SETBP1: variants seen among roughly 807,000 people sequenced by gnomAD.
The protein encoded by SETBP1 is SET binding protein 1, also known as SET-binding protein.
A neutral mutation model predicts 101.0 loss-of-function variants in SETBP1; 9 were observed. The ratio of observed to expected loss-of-function variants is 0.09; its 90% CI spans 0.05 to 0.16. SETBP1 has a LOEUF of 0.16. Ranked by LOEUF, SETBP1 falls within the 10% of genes least tolerant of loss-of-function variation. SETBP1 has a pLI of 1.00. For synonymous variants in SETBP1, 818 were observed against 788.5 expected (o/e 1.04, Z -0.63); for missense variants, 1,858 against 2,033.8 (o/e 0.91, Z 1.66).
intron 4 of SETBP1, among the ~76,000 whole-genome samples, chr18:45,037,367 A>G (rs997419536): frequency 4.6e-5 from 7 of 152,076 alleles, no homozygotes; most frequent in Admixed American, 2.0e-4. Context: ...GCTGGTTACC[A>G]CTGGTTCTGA....
At chr18:44,889,352 A>G (rs1421438714) in intron 3 of SETBP1, among the ~76,000 whole-genome samples, 1 of 152,140 alleles carries the variant, frequency 6.6e-6, no homozygotes, top group East Asian at 1.9e-4. Context: ...TCAGAGCCTT[A>G]TTTATCATCC....
At position 45,028,057 on chromosome 18, in the gene SETBP1, A is replaced by T. The variant is rs534504587; in HGVS notation, c.4001-10428A>T. Reference sequence around the variant, plus strand: ...TTAAGTTTTAGGGTACATGTGCACAACGTGCAGGTTAGTTACGTATGTATA... The same window carrying T: ...TTAAGTTTTAGGGTACATGTGCACATCGTGCAGGTTAGTTACGTATGTATA... On this transcript the variant is annotated intron_variant, in intron 4 of 5. Coordinates refer to ENST00000649279, the MANE Select transcript of SETBP1 (RefSeq NM_015559.3). Among the ~76,000 whole-genome samples the T allele has an allele frequency of 2.3e-3, 344 of 152,160 alleles. 2 individuals carry two copies. Among genetic ancestry groups the T allele is most frequent in the Non-Finnish European group, 3.4e-3 (234 of 67,980 alleles).
intron 3 of SETBP1, among the ~76,000 whole-genome samples, chr18:44,901,602 C>T (rs2070047470): frequency 6.6e-6 from 1 of 152,130 alleles, no homozygotes; most frequent in South Asian, 2.1e-4. Flanking sequence ...CTGCCTGTAG[C>T]ATTTAACCCA....
intron 2 of SETBP1, among the ~76,000 whole-genome samples, chr18:44,730,756 T>G (rs2069822110): frequency 6.6e-6 from 1 of 152,148 alleles, no homozygotes; most frequent in African/African-American, 2.4e-5. Flanking sequence ...AGAGGAAGCT[T>G]AAATGGTATC....
chr18:45,019,567 C>G (rs1568031701), intron 4 of SETBP1, among the ~76,000 whole-genome samples: 1 of 152,126 alleles, frequency 6.6e-6, no homozygotes, highest in South Asian at 2.1e-4. Flanking sequence ...CCTTTCTTCT[C>G]TTTGGGAAGC....
intron 5 of SETBP1, among the ~76,000 whole-genome samples, chr18:45,041,153 G>C (rs2073500328): frequency 6.6e-6 from 1 of 152,184 alleles, no homozygotes; most frequent in South Asian, 2.1e-4. Context: ...ATTTCCAGTG[G>C]ATTCCCACTT....
intron 3 of SETBP1, chr18:44,877,257 C>T (rs1039426890): frequency 4.6e-6 from 3 of 655,408 alleles, no homozygotes; most frequent in Non-Finnish European, 5.7e-6. Context: ...GATTGTTTTC[C>T]TACGGATTTG....
chr18:44,788,172 G>A (rs1322848304), intron 2 of SETBP1, among the ~76,000 whole-genome samples: 2 of 151,994 alleles, frequency 1.3e-5, no homozygotes, highest in African/African-American at 2.4e-5. Flanking sequence ...CCTGGGAAAA[G>A]CCATTCCTGA....
In SETBP1 at chr18:45,063,754, G is replaced by A. The variant is rs2073931306; in HGVS notation, c.*56G>A. The A allele has an allele frequency of 2.6e-6, 4 of 1,556,294 alleles. No homozygotes were observed. In the South Asian group the frequency reaches 3.5e-5, roughly 14 times the overall value. On this transcript the variant is annotated 3_prime_UTR_variant, in exon 6 of 6. Coordinates refer to ENST00000649279, the MANE Select transcript of SETBP1 (RefSeq NM_015559.3). ...AGGGAACTGACACGTGGGAAGCGCAGTGAGCCGGGGCGGGGGCGGAATCCC... is the reference window on the plus strand; with the variant it reads ...AGGGAACTGACACGTGGGAAGCGCAATGAGCCGGGGCGGGGGCGGAATCCC...
chr18:44,760,763 A>T (rs1280242892), intron 2 of SETBP1, among the ~76,000 whole-genome samples: 1 of 152,228 alleles, frequency 6.6e-6, no homozygotes, highest in Admixed American at 6.5e-5. Context: ...AGGGAGGTGT[A>T]TATACTGTTT....
chr18:45,013,233 T>C (rs916262371), intron 4 of SETBP1, among the ~76,000 whole-genome samples: 1 of 152,160 alleles, frequency 6.6e-6, no homozygotes, highest in Non-Finnish European at 1.5e-5. Flanking sequence ...CTCACCTCCT[T>C]GGCCCCACCC....
Position 44,894,770 on chromosome 18 carries a change from C to T in SETBP1, c.540+25487C>T, listed in dbSNP as rs561558391. Among the ~76,000 whole-genome samples the T allele has an allele frequency of 4.6e-5, 7 of 151,924 alleles. No individual in the cohort carries two copies. The South Asian group carries it at 1.5e-3, about 32-fold the overall frequency. ...ATCTCCAGGAATCAACAAAGGACCA[C>T]CAAGAGAATTTAAATGGATTTCAGC... On this transcript the variant is annotated intron_variant, in intron 3 of 5. Coordinates refer to ENST00000649279, the MANE Select transcript of SETBP1 (RefSeq NM_015559.3).
At chr18:45,062,943 G>A in intron 5 of SETBP1, 136 bp from the exon 6 acceptor site, 1 of 1,094,756 alleles carries the variant, frequency 9.1e-7, no homozygotes, top group Non-Finnish European at 1.3e-6. Flanking sequence ...AATGCATCTT[G>A]GGCACGGAGA....
Position 44,701,162 on chromosome 18 carries a change from C to T in SETBP1, c.-172-13C>T, listed in dbSNP as rs1257941055. 1.9e-5 allele frequency: 10 copies of T among 527,090 alleles called. No homozygotes were observed. Among genetic ancestry groups the T allele is most frequent in the Admixed American group, 7.4e-5 (2 of 26,870 alleles). The allele number at this position is 527,090 out of a possible 1,614,324, so 32.7% of individuals were successfully genotyped here. The stretch of plus-strand genomic sequence containing the variant: ...TCCTTTCTGCCATGCCTAACTGTCT[C>T]TTTGCTTCTCAGTTGCAGATCTGAT... On this transcript the variant is annotated splice_polypyrimidine_tract_variant and intron_variant, in intron 1 of 5. Coordinates refer to ENST00000649279, the MANE Select transcript of SETBP1 (RefSeq NM_015559.3).
chr18:45,059,146 T>A (rs2073853775), intron 5 of SETBP1, among the ~76,000 whole-genome samples: 1 of 152,208 alleles, frequency 6.6e-6, no homozygotes, highest in Non-Finnish European at 1.5e-5. Flanking sequence ...CATGTACCCA[T>A]CAATATCAAC....
chr18:45,036,350 G>T (rs1474766865), intron 4 of SETBP1, among the ~76,000 whole-genome samples: 2 of 144,242 alleles, frequency 1.4e-5, no homozygotes, highest in African/African-American at 5.0e-5. Flanking sequence ...AAAAAAAAAA[G>T]GCTAAGAAGT....
rs545611382 is a variant in SETBP1, at chr18:44,999,625, C to T, written c.4001-38860C>T. 6.5e-4 allele frequency among the ~76,000 whole-genome samples: 99 copies of T among 152,314 alleles called. 1 individual carries two copies. The highest frequency in any genetic ancestry group is 1.1e-3 in the Non-Finnish European group (76 of 68,034). ...TCAGAACCACCTCAGAGATAACTCG[C>T]AACGACCCTTCTTACTAATGCTCAT... is the stretch of plus-strand genomic sequence containing the variant. On this transcript the variant is annotated intron_variant, in intron 4 of 5. Transcript: ENST00000649279.
At chr18:44,854,584 C>G (rs1461616973) in intron 2 of SETBP1, among the ~76,000 whole-genome samples, 1 of 152,190 alleles carries the variant, frequency 6.6e-6, no homozygotes, top group Non-Finnish European at 1.5e-5. Flanking sequence ...ACCACCTACC[C>G]ACTCCAATCT....
chr18:44,812,764 T>C (rs1425686966), intron 2 of SETBP1, among the ~76,000 whole-genome samples: 1 of 152,226 alleles, frequency 6.6e-6, no homozygotes, highest in African/African-American at 2.4e-5. Context: ...GAAGCCAATA[T>C]GTAAGCTGGA....
Sources: allele counts gnomAD v4.1 joint callset (sites outside exome capture counted in the v4.1 genomes callset), GRCh38; gene constraint gnomAD v4.1.1; transcripts MANE v1.5; gene names NCBI Gene and HGNC (gene_info 2026-07-23, HGNC 2026-07-21).